The following NTM variants were observed in gnomAD, a reference collection of about 807,000 sequenced individuals.
NTM encodes the protein neurotrimin.
In NTM, 13 loss-of-function variants were observed where a neutral mutation model predicts 42.1. The ratio of observed to expected loss-of-function variants is 0.31; its 90% CI spans 0.20 to 0.49. The LOEUF (loss-of-function observed/expected upper bound fraction) is 0.49, where lower values mean the gene tolerates loss of function less well. Ranked by LOEUF, NTM falls within the 20% of genes least tolerant of loss-of-function variation. The probability of loss-of-function intolerance (pLI) is 0.99; values close to 1 mark genes in which losing one functional copy is unlikely to be tolerated. For missense variants in NTM, 373 were observed against 452.8 expected (o/e 0.82, Z 1.60); for synonymous variants, 187 against 179.2 (o/e 1.04, Z -0.35).
At chr11:132,160,884 GGAGGGTGAGAGGAGA>G (rs2074126901) in intron 3 of NTM, among the ~76,000 whole-genome samples, 1 of 152,214 alleles carries the variant, frequency 6.6e-6, no homozygotes, top group Admixed American at 6.5e-5. Context: ...GAGAGAAGGA[GGAGGGTGAGAGGAGA>G]GACCCGAGAG....
chr11:131,763,665 G>T (rs2084596963), intron 1 of NTM, among the ~76,000 whole-genome samples: 1 of 145,020 alleles, frequency 6.9e-6, no homozygotes, highest in Admixed American at 7.2e-5. Flanking sequence ...CTCATTCCCA[G>T]GCCCATGCTG....
chr11:132,230,087 G>A (rs2087178434), intron 4 of NTM, among the ~76,000 whole-genome samples: 1 of 152,192 alleles, frequency 6.6e-6, no homozygotes, highest in Non-Finnish European at 1.5e-5. Context: ...ACACAAATAA[G>A]TTACTTAGTA....
Position 131,668,002 on chromosome 11 carries a change from T to C in NTM, c.83-243562T>C, listed in dbSNP as rs373191133. 5.0e-3 allele frequency among the ~76,000 whole-genome samples: 768 copies of C among 152,342 alleles called. 7 individuals carry two copies. Among genetic ancestry groups the C allele is most frequent in the African/African-American group, 0.018 (731 of 41,574 alleles). ...ATCCACTTCTGGTGCCTTGTGCGGC[T>C]TGAGCTTCATAATGATGAGAGATAG... On this transcript the variant is annotated intron_variant, in intron 1 of 8. Transcript: ENST00000683400.
chr11:131,572,710 A>T lies in NTM; in HGVS notation c.82+201822A>T, dbSNP rs551113463. On this transcript the variant is annotated intron_variant, in intron 1 of 8. Transcript: ENST00000683400. The stretch of plus-strand genomic sequence containing the variant: ...TCTGGGAGCTTAAAAAGCCCACGTC[A>T]CCCTAGAAAAGAGGCTATTAAGGTG... 1.2e-4 allele frequency among the ~76,000 whole-genome samples: 19 copies of T among 152,240 alleles called. 1 individual carries two copies. The South Asian group carries it at 3.5e-3, about 28-fold the overall frequency.
intron 1 of NTM, among the ~76,000 whole-genome samples, chr11:131,733,459 CTTCT>C (rs1186268683): frequency 0.082 from 10,220 of 124,448 alleles, 499 homozygotes; most frequent in African/African-American, 0.15. Context: ...TCCTTCCTTC[CTTCT>C]TTCCTTCCTT....
At chr11:132,205,144 C>T (rs569255405) in intron 3 of NTM, among the ~76,000 whole-genome samples, 55 of 152,234 alleles carry the variant, frequency 3.6e-4, no homozygotes, top group Non-Finnish European at 5.9e-4. Flanking sequence ...CATCTCCAGT[C>T]TTCAAGATAG....
intron 2 of NTM, among the ~76,000 whole-genome samples, chr11:132,046,514 T>A (rs1429359382): frequency 6.6e-6 from 1 of 152,208 alleles, no homozygotes; most frequent in Non-Finnish European, 1.5e-5. Context: ...TATGACCTAA[T>A]GATTAATGGC....
At chr11:131,668,559 G>A (rs1224396081) in intron 1 of NTM, among the ~76,000 whole-genome samples, 1 of 152,100 alleles carries the variant, frequency 6.6e-6, no homozygotes, top group Non-Finnish European at 1.5e-5. Context: ...AGGATATAAT[G>A]AGTCTAAAGC....
chr11:131,840,026 C>T (rs1165404403), intron 1 of NTM, among the ~76,000 whole-genome samples: 1 of 152,168 alleles, frequency 6.6e-6, no homozygotes, highest in Non-Finnish European at 1.5e-5. Context: ...ACGATGAAAG[C>T]TGTGTTGGGG....
At chr11:131,587,341 G>A (rs3133334) in intron 1 of NTM, among the ~76,000 whole-genome samples, 23,150 of 151,912 alleles carry the variant, frequency 0.15, 2,503 homozygotes, top group African/African-American at 0.31. Context: ...CTAGCTACTC[G>A]GGAGGCTGAG....
chr11:132,314,298 G>A (rs1382511105), intron 6 of NTM, among the ~76,000 whole-genome samples: 1 of 152,228 alleles, frequency 6.6e-6, no homozygotes, highest in Non-Finnish European at 1.5e-5. Context: ...ACAAAGCAAG[G>A]ATGAGAGGCT....
chr11:131,677,661 A>G (rs1490464764), intron 1 of NTM, among the ~76,000 whole-genome samples: 1 of 152,204 alleles, frequency 6.6e-6, no homozygotes, highest in Non-Finnish European at 1.5e-5. Flanking sequence ...CTTTGCCAAG[A>G]GAAGCCCAAA....
Position 131,461,389 on chromosome 11 carries a change from C to G in NTM, c.82+90501C>G, listed in dbSNP as rs145569702. ...GTGACTGATACCTACCGATATTTAA[C>G]AATTTTGAGTTGGTGAAAAGAAAAT... is the stretch of plus-strand genomic sequence containing the variant. On this transcript the variant is annotated intron_variant, in intron 1 of 8. Transcript: ENST00000683400. 4.6e-3 allele frequency among the ~76,000 whole-genome samples: 707 copies of G among 152,270 alleles called. 8 individuals carry two copies. The highest frequency in any genetic ancestry group is 0.016 in the African/African-American group (683 of 41,542).
intron 1 of NTM, among the ~76,000 whole-genome samples, chr11:131,706,761 A>C (rs1283059537): frequency 6.6e-6 from 1 of 152,082 alleles, no homozygotes; most frequent in Non-Finnish European, 1.5e-5. Flanking sequence ...AATAAAAGGG[A>C]AAATTTTTTA....
intron 1 of NTM, among the ~76,000 whole-genome samples, chr11:131,626,717 A>G (rs545472414): frequency 3.9e-5 from 6 of 152,356 alleles, no homozygotes; most frequent in Non-Finnish European, 7.3e-5. Context: ...AGGCTCCTAG[A>G]CGATCTCTAC....
chr11:131,978,154 C>T (rs1330003226), intron 2 of NTM, among the ~76,000 whole-genome samples: 1 of 152,136 alleles, frequency 6.6e-6, no homozygotes, highest in Non-Finnish European at 1.5e-5. Flanking sequence ...AAAAAGGCTG[C>T]TTCAAAACTA....
intron 2 of NTM, among the ~76,000 whole-genome samples, chr11:132,066,666 A>G (rs1041411960): frequency 3.3e-5 from 5 of 152,208 alleles, no homozygotes; most frequent in Admixed American, 6.5e-5. Flanking sequence ...TTGGATTGAT[A>G]CATTATCTCA....
chr11:131,458,251 A>G (rs947068204), intron 1 of NTM, among the ~76,000 whole-genome samples: 28 of 152,304 alleles, frequency 1.8e-4, no homozygotes, highest in African/African-American at 6.5e-4. Flanking sequence ...TGCTGCTGGC[A>G]GGTGGAGTGA....
intron 1 of NTM, chr11:131,662,417 T>C (rs1297679240): frequency 2.0e-5 from 3 of 152,252 alleles, no homozygotes; most frequent in African/African-American, 4.8e-5. Flanking sequence ...GTATTTGTCC[T>C]GCATAATGGG....
Sources: allele counts gnomAD v4.1 joint callset (sites outside exome capture counted in the v4.1 genomes callset), GRCh38; gene constraint gnomAD v4.1.1; transcripts MANE v1.5; gene names NCBI Gene and HGNC (gene_info 2026-07-23, HGNC 2026-07-21).